The following RFX2 variants were observed in gnomAD, a reference collection of about 807,000 sequenced individuals.
The protein encoded by RFX2 is DNA-binding protein RFX2.
In RFX2, 20 loss-of-function variants were observed where a neutral mutation model predicts 87.8. The ratio of observed to expected loss-of-function variants is 0.23; its 90% confidence interval spans 0.16 to 0.33. The LOEUF (loss-of-function observed/expected upper bound fraction) is 0.33, where lower values mean the gene tolerates loss of function less well. Among genes scored for constraint, RFX2 ranks in the 10% least tolerant of loss-of-function variants. RFX2 has a pLI of 1.00. For synonymous variants in RFX2, 397 were observed against 431.3 expected (o/e 0.92, Z 0.98); for missense variants, 767 against 1,012.3 (o/e 0.76, Z 3.29).
At position 6,012,636 on chromosome 19, in the gene RFX2, G is replaced by A. The variant is rs577356722; in HGVS notation, c.899+350C>T. On this transcript the variant is annotated intron_variant, in intron 8 of 17. Coordinates refer to ENST00000303657, the MANE Select transcript of RFX2 (RefSeq NM_000635.4). This position sits in a 1 kb window ranked among gnomAD's most constrained non-coding sequence, Gnocchi z 4.6. ...AGCAATGCACCGCTGTGTGGGGGAGGTGAATGGTGGGAGAGGCGGTGGGGA... is the reference window on the plus strand; with the variant it reads ...AGCAATGCACCGCTGTGTGGGGGAGATGAATGGTGGGAGAGGCGGTGGGGA... Among the ~76,000 whole-genome samples the A allele has an allele frequency of 3.9e-4, 60 of 152,278 alleles. No homozygotes were observed. Among genetic ancestry groups the A allele is most frequent in the African/African-American group, 1.4e-3 (57 of 41,542 alleles).
In RFX2 at chr19:6,047,437, C is replaced by G. The variant is rs374116967; in HGVS notation, c.60G>C (p.Ala20=). The change falls in exon 2 of 18, where the codon GCG becomes GCC. Residue 20 remains alanine (A), a synonymous_variant. Transcript: ENST00000303657. This position sits in a 1 kb window ranked among gnomAD's most constrained non-coding sequence, Gnocchi z 4.2. ...GGGAGGCTGGCACAGGCGGGGCTGCCGCCGAGGGACGCAGAGCCACGGACG... is the reference window on the plus strand; with the variant it reads ...GGGAGGCTGGCACAGGCGGGGCTGCGGCCGAGGGACGCAGAGCCACGGACG... ...SPASVALRPS[A]AAPPVPASPQ... 7 of 1,600,800 alleles carry G rather than the reference C, an allele frequency of 4.4e-6. No homozygotes were observed. In the South Asian group the frequency reaches 7.8e-5, roughly 18 times the overall value.
intron 1 of RFX2, among the ~76,000 whole-genome samples, chr19:6,093,035 A>G (rs1361749905): frequency 6.6e-6 from 1 of 152,126 alleles, no homozygotes. Context: ...GGAGAGGACA[A>G]AAGTGGAAAG....
In RFX2 at chr19:6,023,355, C is replaced by A. The variant is rs1041832422; in HGVS notation, c.597+2808G>T. On this transcript the variant is annotated intron_variant, in intron 6 of 17. Coordinates refer to ENST00000303657, the MANE Select transcript of RFX2 (RefSeq NM_000635.4). The surrounding 1 kb of genome is among the most constrained non-coding windows in gnomAD (Gnocchi z 4.9). ...ACCTGCAGAAGGCCGCTGCCCACCA[C>A]GACCTCAGTCTCAGCCACAGGCAGC... The A allele has an allele frequency of 1.3e-5, 2 of 152,318 alleles. No individual in the cohort carries two copies. The highest frequency in any genetic ancestry group is 2.4e-5 in the African/African-American group (1 of 41,462). 9.4% of individuals were successfully genotyped at this position (152,318 alleles called of 1,614,324 possible).
At chr19:6,073,220 T>G in intron 1 of RFX2, 2 of 562,266 alleles carry the variant, frequency 3.6e-6, no homozygotes, top group East Asian at 3.8e-5. Flanking sequence ...CCTCAGGTGA[T>G]CCACCCTCCT....
At chr19:6,025,079 G>C (rs1298439782) in intron 6 of RFX2, among the ~76,000 whole-genome samples, 1 of 152,196 alleles carries the variant, frequency 6.6e-6, no homozygotes. Context: ...CTACTAGAAG[G>C]ACATTCTGAC....
chr19:6,041,273 C>T (rs1036945854), intron 4 of RFX2, among the ~76,000 whole-genome samples: 4 of 152,132 alleles, frequency 2.6e-5, no homozygotes, highest in Non-Finnish European at 2.9e-5. Flanking sequence ...TCATACAACT[C>T]CACCAATCAC....
In RFX2 at chr19:6,040,121, G is replaced by T. The variant is rs1437727086; in HGVS notation, c.381C>A (p.Val127=). 6.2e-7 allele frequency: 1 copy of T among 1,610,712 alleles called. No homozygotes were observed. The highest frequency in any genetic ancestry group is 2.2e-5 in the East Asian group (1 of 44,812). Residue 127 remains valine, a synonymous_variant, in exon 5 of 18, where the codon GTC becomes GTA. Coordinates refer to ENST00000303657, the MANE Select transcript of RFX2 (RefSeq NM_000635.4). This position sits in a 1 kb window ranked among gnomAD's most constrained non-coding sequence, Gnocchi z 6.1. ...VTVAASSPPA[V]PSHSMVGITM... is the part of the protein sequence containing the mutation. Reference sequence around the variant, plus strand: ...TGATGCCCACCATGCTGTGGGAGGGGACCGCTGGCGGGGACGAGGCTGCCA... The same window carrying T: ...TGATGCCCACCATGCTGTGGGAGGGTACCGCTGGCGGGGACGAGGCTGCCA...
intron 10 of RFX2, 42 bp downstream of exon 10, chr19:6,008,064 G>C: frequency 7.0e-7 from 1 of 1,428,080 alleles, no homozygotes; most frequent in Non-Finnish European, 9.7e-7. Context: ...CGGTTCCCGG[G>C]AGGGACACGC....
At chr19:6,073,420 G>C (rs2087638027) in intron 1 of RFX2, 1 of 1,028,812 alleles carries the variant, frequency 9.7e-7, no homozygotes, top group African/African-American at 1.6e-5. Flanking sequence ...CCTGTGCTGA[G>C]ATCGCTCACA....
At chr19:6,033,460 A>C (rs2086976370) in intron 5 of RFX2, among the ~76,000 whole-genome samples, 1 of 152,158 alleles carries the variant, frequency 6.6e-6, no homozygotes, top group South Asian at 2.1e-4. Flanking sequence ...TTGTCTGGTA[A>C]ATCAATTGAA....
chr19:6,073,365 T>A, intron 1 of RFX2: 1 of 1,327,674 alleles, frequency 7.5e-7, no homozygotes, highest in South Asian at 1.2e-5. Flanking sequence ...AAGTTCCTGG[T>A]CCCCAGCGTC....
rs1343571536 is a variant in RFX2 at position 6,056,438 on chromosome 19, G to A, written c.-8-8934C>T. On this transcript the variant is annotated intron_variant, in intron 1 of 17. Coordinates refer to ENST00000303657, the MANE Select transcript of RFX2 (RefSeq NM_000635.4). The surrounding 1 kb of genome is among the most constrained non-coding windows in gnomAD (Gnocchi z 4.6). ...ATCCTGGCGGTGCTTCCAGGTAAGCGCAGTAGCTCACATGGTCCTCCCAGA... is the reference window on the plus strand; with the variant it reads ...ATCCTGGCGGTGCTTCCAGGTAAGCACAGTAGCTCACATGGTCCTCCCAGA... 1.3e-5 allele frequency among the ~76,000 whole-genome samples: 2 copies of A among 152,222 alleles called. No individual in the cohort carries two copies. The highest frequency in any genetic ancestry group is 2.9e-5 in the Non-Finnish European group (2 of 68,028).
At chr19:6,068,451 G>A (rs1190721094) in intron 1 of RFX2, 2 of 152,214 alleles carry the variant, frequency 1.3e-5, no homozygotes, top group African/African-American at 4.8e-5. Flanking sequence ...TACGTCAGAT[G>A]ACACCCTATA....
chr19:6,066,957 C>T (rs970287483), intron 1 of RFX2, among the ~76,000 whole-genome samples: 4 of 152,174 alleles, frequency 2.6e-5, no homozygotes, highest in Non-Finnish European at 4.4e-5. Flanking sequence ...AATATGTAAT[C>T]TATTATTTTC....
intron 1 of RFX2, among the ~76,000 whole-genome samples, chr19:6,100,845 ATTAATTGAATTATATTGAT>A (rs2088113304): frequency 6.6e-6 from 1 of 151,430 alleles, no homozygotes. Flanking sequence ...AATTGAATTA[ATTAATTGAATTATATTGAT>A]TTAATTGAAT....
rs2086503148 is a variant in RFX2, at chr19:6,002,418, C to T, written c.1650+303G>A. Among the ~76,000 whole-genome samples the T allele has an allele frequency of 1.3e-5, 2 of 152,248 alleles. No homozygotes were observed. Among genetic ancestry groups the T allele is most frequent in the Admixed American group, 1.3e-4 (2 of 15,284 alleles). On this transcript the variant is annotated intron_variant, in intron 14 of 17. Transcript: ENST00000303657. This position sits in a 1 kb window ranked among gnomAD's most constrained non-coding sequence, Gnocchi z 6.7. ...CTTTGCCAAGCCCAGGGGACAGAGCCAGGAAAATGGCCACAGGGAGGTCAA... is the reference window on the plus strand; with the variant it reads ...CTTTGCCAAGCCCAGGGGACAGAGCTAGGAAAATGGCCACAGGGAGGTCAA...
Position 5,998,777 on chromosome 19 carries a change from C to G in RFX2, c.1860-1564G>C, listed in dbSNP as rs1467817046. Among the ~76,000 whole-genome samples the G allele has an allele frequency of 6.6e-6, 1 of 152,178 alleles. No individual in the cohort carries two copies. Among genetic ancestry groups the G allele is most frequent in the Non-Finnish European group, 1.5e-5 (1 of 68,026 alleles). ...GGTCACCCCGGTATCTCTGGGTTCCCAAATGGGCTCGCAGCTCCCAGAGAG... is the reference window on the plus strand; with the variant it reads ...GGTCACCCCGGTATCTCTGGGTTCCGAAATGGGCTCGCAGCTCCCAGAGAG... On this transcript the variant is annotated intron_variant, in intron 15 of 17. Transcript: ENST00000303657. This position sits in a 1 kb window ranked among gnomAD's most constrained non-coding sequence, Gnocchi z 4.2.
intron 1 of RFX2, among the ~76,000 whole-genome samples, chr19:6,105,186 G>A (rs901455444): frequency 6.6e-6 from 1 of 151,478 alleles, no homozygotes; most frequent in Non-Finnish European, 1.5e-5. Flanking sequence ...ATTCTAACAA[G>A]AGGACAGTGA....
At chr19:6,080,933 G>A (rs534541403) in intron 1 of RFX2, among the ~76,000 whole-genome samples, 1 of 151,876 alleles carries the variant, frequency 6.6e-6, no homozygotes, top group South Asian at 2.1e-4. Context: ...TTACTTGGGA[G>A]GCTGAGGCAG....
Sources: allele counts gnomAD v4.1 joint callset (sites outside exome capture counted in the v4.1 genomes callset), GRCh38; gene constraint gnomAD v4.1.1; non-coding constraint Gnocchi (gnomAD v3.1); transcripts MANE v1.5; gene names NCBI Gene and HGNC (gene_info 2026-07-23, HGNC 2026-07-21).